The following CPNE8 variants were observed in gnomAD, a reference collection of about 807,000 sequenced individuals.
CPNE8 encodes copine 8, also known as copine-8.
Under a neutral mutation model 81.5 loss-of-function variants are expected in CPNE8, and 45 were observed. The observed-to-expected ratio is 0.55, with a 90% CI of 0.44 to 0.71. The LOEUF (loss-of-function observed/expected upper bound fraction) is 0.71, where lower values mean the gene tolerates loss of function less well. CPNE8 is among the 30% of genes least tolerant of loss of function. The probability of loss-of-function intolerance (pLI) is 0.00; values close to 1 mark genes in which losing one functional copy is unlikely to be tolerated. For missense variants in CPNE8, 594 were observed against 672.1 expected (o/e 0.88, Z 1.28); for synonymous variants, 252 against 226.3 (o/e 1.11, Z -1.02).
Position 38,693,752 on chromosome 12 carries a change from T to C in CPNE8, c.1048A>G (p.Ile350Val), listed in dbSNP as rs754484776. The change falls in exon 15 of 20, where the codon ATT (isoleucine) becomes GTT (valine). Residue 350 changes from isoleucine to valine, a missense_variant. By Grantham distance (29) the Ile-to-Val change is conservative (BLOSUM62 3). Transcript: ENST00000331366. The stretch of plus-strand genomic sequence containing the variant: ...TTATCACTGTCATAATCTTGAACAA[T>C]TTCTCCCACTGCTTTTAGTGCCATA... ...YGMALKAVGEIVQDYDSDKMF... is the reference protein window; with the variant it reads ...YGMALKAVGEVVQDYDSDKMF... 4 of 1,613,620 alleles carry C rather than the reference T, an allele frequency of 2.5e-6. No homozygotes were observed. The South Asian group carries it at 4.4e-5, about 18-fold the overall frequency.
intron 11 of CPNE8, chr12:38,726,277 A>AAC (rs1555148508): frequency 1.3e-5 from 2 of 152,048 alleles, no homozygotes; most frequent in South Asian, 2.1e-4. Context: ...CAAAAAAAAA[A>AAC]ACAAAACTTT....
chr12:38,886,324 T>TA (rs1944236564), intron 1 of CPNE8, among the ~76,000 whole-genome samples: 1 of 152,144 alleles, frequency 6.6e-6, no homozygotes, highest in Non-Finnish European at 1.5e-5. Flanking sequence ...ATCCTCCTCA[T>TA]AGAGTTGTTT....
intron 6 of CPNE8, among the ~76,000 whole-genome samples, chr12:38,798,496 T>G (rs1286868590): frequency 1.3e-5 from 2 of 151,868 alleles, no homozygotes; most frequent in African/African-American, 2.4e-5. Flanking sequence ...GACAAGCAAA[T>G]GCTGAGAGAT....
intron 6 of CPNE8, among the ~76,000 whole-genome samples, chr12:38,785,798 T>G (rs1296553636): frequency 6.6e-6 from 1 of 152,050 alleles, no homozygotes; most frequent in African/African-American, 2.4e-5. Context: ...GTTGTCTTTT[T>G]GCTTACTTCC....
At chr12:38,677,767 T>C (rs1490109015) in intron 16 of CPNE8, among the ~76,000 whole-genome samples, 1 of 151,832 alleles carries the variant, frequency 6.6e-6, no homozygotes, top group African/African-American at 2.4e-5. Context: ...CACAGAAATA[T>C]CTAGTTGCCT....
At chr12:38,721,598 G>A (rs1489011583) in intron 13 of CPNE8, among the ~76,000 whole-genome samples, 1 of 152,228 alleles carries the variant, frequency 6.6e-6, no homozygotes. Context: ...CTTGGGACCT[G>A]CCAACTGGCG....
intron 13 of CPNE8, among the ~76,000 whole-genome samples, chr12:38,714,706 A>G (rs1029906317): frequency 5.9e-5 from 9 of 152,088 alleles, no homozygotes; most frequent in Non-Finnish European, 1.0e-4. Flanking sequence ...GGGTTGATTT[A>G]GAATGCATCT....
intron 10 of CPNE8, among the ~76,000 whole-genome samples, chr12:38,737,725 A>G (rs1940987578): frequency 6.6e-6 from 1 of 152,144 alleles, no homozygotes; most frequent in Non-Finnish European, 1.5e-5. Flanking sequence ...CAGAGATTAA[A>G]CCTGGAACAC....
chr12:38,852,649 A>G (rs775195277), intron 3 of CPNE8, among the ~76,000 whole-genome samples: 6 of 152,100 alleles, frequency 3.9e-5, no homozygotes, highest in Non-Finnish European at 8.8e-5. Flanking sequence ...CCCACTAGAC[A>G]GTAAGCTTCG....
chr12:38,794,078 AC>A (rs1942395878), intron 6 of CPNE8, among the ~76,000 whole-genome samples: 1 of 152,146 alleles, frequency 6.6e-6, no homozygotes, highest in Non-Finnish European at 1.5e-5. Flanking sequence ...TGGATTAAAG[AC>A]TTAAACATAA....
chr12:38,660,703 G>T (rs971624680), intron 19 of CPNE8, among the ~76,000 whole-genome samples: 1 of 152,074 alleles, frequency 6.6e-6, no homozygotes, highest in Non-Finnish European at 1.5e-5. Context: ...GAAAATTTTT[G>T]CAATCTACCC....
chr12:38,824,182 G>T (rs953775355), intron 6 of CPNE8, among the ~76,000 whole-genome samples: 1 of 152,026 alleles, frequency 6.6e-6, no homozygotes, highest in Non-Finnish European at 1.5e-5. Context: ...TCATCATTAT[G>T]CATATAAAAT....
chr12:38,885,981 G>A (rs1458332909), intron 1 of CPNE8, among the ~76,000 whole-genome samples: 1 of 152,142 alleles, frequency 6.6e-6, no homozygotes, highest in Non-Finnish European at 1.5e-5. Context: ...TACCTGTACA[G>A]CATACAGAAC....
intron 4 of CPNE8, among the ~76,000 whole-genome samples, chr12:38,842,775 A>AC (rs1351593290): frequency 6.6e-6 from 1 of 151,700 alleles, no homozygotes; most frequent in Non-Finnish European, 1.5e-5. Context: ...ACGGGGTTTC[A>AC]CCATGTTGGC....
rs545574574 is a variant in CPNE8 at position 38,670,511 on chromosome 12, G to T, written c.1506+218C>A. On this transcript the variant is annotated intron_variant, in intron 19 of 19. Transcript: ENST00000331366. ...TCTATTTTTTCTAACCATAATGTAT[G>T]AGGGAAGCATGAAAATACATACAAA... 2.0e-5 allele frequency among the ~76,000 whole-genome samples: 3 copies of T among 152,144 alleles called. No homozygotes were observed. The South Asian group carries it at 6.2e-4, about 32-fold the overall frequency.
intron 7 of CPNE8, among the ~76,000 whole-genome samples, chr12:38,772,411 T>G (rs1344966153): frequency 6.6e-6 from 1 of 151,784 alleles, no homozygotes; most frequent in Non-Finnish European, 1.5e-5. Flanking sequence ...AAACTAAAAA[T>G]AAATAAAAAT....
rs879719626 is a variant in CPNE8 at position 38,900,705 on chromosome 12, CTTTT to C, written c.98+4728_98+4731del. Among the ~76,000 whole-genome samples, 611 of 152,162 alleles carry C rather than the reference CTTTT, an allele frequency of 4.0e-3. 3 individuals are homozygous for C. The highest frequency in any genetic ancestry group is 0.017 in the Middle Eastern group (5 of 294). ...GAACGCTCACACTTTGGGACTGTAC[CTTTT>C]ATAAGTATTTTTTAGCCGTATTTCT... On this transcript the variant is annotated intron_variant, in intron 1 of 19. Coordinates refer to ENST00000331366, the MANE Select transcript of CPNE8 (RefSeq NM_153634.3).
At chr12:38,818,663 G>A (rs1173469877) in intron 6 of CPNE8, among the ~76,000 whole-genome samples, 6 of 152,154 alleles carry the variant, frequency 3.9e-5, no homozygotes, top group African/African-American at 1.4e-4. Context: ...TGGGATTGCT[G>A]GGTCAAATGG....
chr12:38,796,349 T>A (rs115223221), intron 6 of CPNE8, among the ~76,000 whole-genome samples: 1,958 of 152,208 alleles, frequency 0.013, 48 homozygotes, highest in African/African-American at 0.044. Context: ...TATTTAGTTT[T>A]TATAAAATAA....
Sources: allele counts gnomAD v4.1 joint callset (sites outside exome capture counted in the v4.1 genomes callset), GRCh38; gene constraint gnomAD v4.1.1; transcripts MANE v1.5; gene names NCBI Gene and HGNC (gene_info 2026-07-23, HGNC 2026-07-21).